Variants in B3GLCT observed in about 807,000 individuals in gnomAD.
B3GLCT encodes the protein beta-1,3-glucosyltransferase.
B3GLCT carries 65 observed loss-of-function variants against 63.4 expected under a neutral mutation model. That is an observed-to-expected ratio of 1.03 (90% confidence interval 0.84 to 1.26). The LOEUF (loss-of-function observed/expected upper bound fraction) is 1.26, where lower values mean the gene tolerates loss of function less well. Ranked by LOEUF, B3GLCT falls within the 50% of genes most tolerant of loss-of-function variation. The pLI, the probability that B3GLCT is intolerant of heterozygous loss-of-function variation, is 0.00. For missense variants in B3GLCT, 577 were observed against 604.8 expected (o/e 0.95, Z 0.48); for synonymous variants, 233 against 219.2 (o/e 1.06, Z -0.55).
intron 4 of B3GLCT, among the ~76,000 whole-genome samples, chr13:31,230,049 C>A (rs1870301165): frequency 1.3e-5 from 2 of 152,056 alleles, no homozygotes; most frequent in South Asian, 4.1e-4. Context: ...CGCAGTGCTT[C>A]CTCTATGAGT....
chr13:31,215,192 G>A (rs1311057478), intron 2 of B3GLCT, 92 bp downstream of exon 2: 3 of 1,277,838 alleles, frequency 2.3e-6, no homozygotes, highest in Non-Finnish European at 3.4e-6. Context: ...TTCTTCAATT[G>A]TTATTTTTAT....
chr13:31,276,217 G>A (rs894325723), intron 9 of B3GLCT, among the ~76,000 whole-genome samples: 4 of 152,110 alleles, frequency 2.6e-5, no homozygotes, highest in Admixed American at 6.5e-5. Context: ...TAAAGAGGCC[G>A]TAAAAATGTT....
intron 10 of B3GLCT, among the ~76,000 whole-genome samples, chr13:31,279,093 G>T (rs1034533009): frequency 6.6e-6 from 1 of 152,126 alleles, no homozygotes; most frequent in Non-Finnish European, 1.5e-5. Flanking sequence ...TTGATGTCCT[G>T]CTATGCTCAA....
chr13:31,296,420 G>A (rs1292078969), intron 12 of B3GLCT, among the ~76,000 whole-genome samples: 4 of 152,150 alleles, frequency 2.6e-5, no homozygotes, highest in African/African-American at 9.7e-5. Flanking sequence ...TTCAAATGGT[G>A]GAAAGAGAGC....
intron 4 of B3GLCT, among the ~76,000 whole-genome samples, chr13:31,240,477 TC>T (rs1555247678): frequency 1.7e-5 from 1 of 59,690 alleles, no homozygotes. Context: ...GTTTTTTTTT[TC>T]TTTTTTTTTT....
At chr13:31,315,338 A>G (rs1874941716) in intron 12 of B3GLCT, among the ~76,000 whole-genome samples, 1 of 152,212 alleles carries the variant, frequency 6.6e-6, no homozygotes. Context: ...ATGGTTTCAG[A>G]TGGAGATGAG....
At chr13:31,285,870 A>G (rs189426374) in intron 11 of B3GLCT, among the ~76,000 whole-genome samples, 66 of 152,262 alleles carry the variant, frequency 4.3e-4, no homozygotes, top group African/African-American at 1.5e-3. Flanking sequence ...TGTCTTCATT[A>G]CTAGTCTGGT....
intron 6 of B3GLCT, among the ~76,000 whole-genome samples, chr13:31,257,332 A>G (rs1337289699): frequency 6.6e-6 from 1 of 152,108 alleles, no homozygotes; most frequent in Non-Finnish European, 1.5e-5. Context: ...CATATTGGTT[A>G]AGGTTTAGTC....
At chr13:31,241,786 G>A (rs1870954420) in intron 4 of B3GLCT, among the ~76,000 whole-genome samples, 1 of 152,204 alleles carries the variant, frequency 6.6e-6, no homozygotes, top group South Asian at 2.1e-4. Flanking sequence ...TACATCGTGG[G>A]TGTCACTGGA....
chr13:31,225,369 A>C (rs2137763638), intron 3 of B3GLCT, among the ~76,000 whole-genome samples: 1 of 152,352 alleles, frequency 6.6e-6, no homozygotes, highest in African/African-American at 2.4e-5. Flanking sequence ...GAAGACAGCT[A>C]CCAAGATAAG....
intron 12 of B3GLCT, among the ~76,000 whole-genome samples, chr13:31,296,278 CTGTTT>C (rs946093259): frequency 3.3e-5 from 5 of 152,218 alleles, no homozygotes; most frequent in South Asian, 4.1e-4. Context: ...CAGCCATCTC[CTGTTT>C]TGTTTTGTTT....
At chr13:31,294,241 C>T (rs1327062578) in intron 12 of B3GLCT, among the ~76,000 whole-genome samples, 2 of 152,198 alleles carry the variant, frequency 1.3e-5, no homozygotes, top group South Asian at 2.1e-4. Flanking sequence ...CTGCCTTTAA[C>T]ATTTTTTCCT....
intron 6 of B3GLCT, among the ~76,000 whole-genome samples, chr13:31,250,847 A>G (rs118138228): frequency 0.045 from 6,923 of 152,320 alleles, 169 homozygotes; most frequent in East Asian, 0.052. Flanking sequence ...CTCTCAGCAC[A>G]GTGTTTGAGC....
intron 8 of B3GLCT, among the ~76,000 whole-genome samples, chr13:31,271,464 A>G (rs1435856540): frequency 6.6e-6 from 1 of 152,184 alleles, no homozygotes; most frequent in Non-Finnish European, 1.5e-5. Context: ...CATCTGCAAG[A>G]GTTACTCCAA....
chr13:31,297,596 C>T (rs1218268359), intron 12 of B3GLCT, among the ~76,000 whole-genome samples: 1 of 152,018 alleles, frequency 6.6e-6, no homozygotes, highest in Non-Finnish European at 1.5e-5. Flanking sequence ...CAGTGGACAC[C>T]AAATGGGTGT....
chr13:31,227,632 T>G (rs1187979099), intron 3 of B3GLCT, among the ~76,000 whole-genome samples: 2 of 152,232 alleles, frequency 1.3e-5, no homozygotes, highest in Admixed American at 1.3e-4. Flanking sequence ...CATATTTTAT[T>G]TAGTTTTAAC....
chr13:31,324,538 C>T (rs1875509359), intron 14 of B3GLCT, among the ~76,000 whole-genome samples: 3 of 152,074 alleles, frequency 2.0e-5, no homozygotes, highest in Non-Finnish European at 4.4e-5. Context: ...TTTTAAGAAC[C>T]AAGTCAGTGA....
At position 31,310,087 on chromosome 13, in the gene B3GLCT, C is replaced by T. The variant is rs76701923; in HGVS notation, c.1065-7479C>T. Among the ~76,000 whole-genome samples, 997 of 152,250 alleles carry T rather than the reference C, an allele frequency of 6.5e-3. 14 individuals carry two copies. Among genetic ancestry groups the T allele is most frequent in the African/African-American group, 0.023 (966 of 41,538 alleles). ...TATCAGCTCAGGGTGGGGTCCACAG[C>T]CAGGAGTGAGAACTTCCTCGATGCC... On this transcript the variant is annotated intron_variant, in intron 12 of 14. Coordinates refer to ENST00000343307, the MANE Select transcript of B3GLCT (RefSeq NM_194318.4).
chr13:31,236,865 C>T (rs1593264032), intron 4 of B3GLCT, among the ~76,000 whole-genome samples: 1 of 152,102 alleles, frequency 6.6e-6, no homozygotes, highest in East Asian at 1.9e-4. Context: ...GGTGGTTCAC[C>T]CCTGTAATCC....
Sources: gnomAD v4.1 joint callset for allele counts (sites outside exome capture counted in the v4.1 genomes callset) on GRCh38, gnomAD v4.1.1 for gene constraint, MANE v1.5 for transcripts, NCBI Gene and HGNC (gene_info 2026-07-23, HGNC 2026-07-21) for gene names.